AHRR: variants seen among roughly 807,000 people sequenced by gnomAD.
AHRR encodes the protein ahR repressor.
AHRR carries 28 observed loss-of-function variants against 44.0 expected under a neutral mutation model. That is an observed-to-expected ratio of 0.64 (90% CI 0.47 to 0.87). The LOEUF (loss-of-function observed/expected upper bound fraction) is 0.87. Among genes scored for constraint, AHRR ranks in the 40% least tolerant of loss-of-function variants. The probability of loss-of-function intolerance (pLI) is 0.00; values close to 1 mark genes in which losing one functional copy is unlikely to be tolerated. For synonymous variants in AHRR, 434 were observed against 407.0 expected, an observed-to-expected ratio of 1.07 and a Z score of -0.80; for missense variants, 990 against 953.9, an observed-to-expected ratio of 1.04 and a Z score of -0.50.
intron 3 of AHRR, among the ~76,000 whole-genome samples, chr5:373,269 G>A (rs899816369): frequency 1.3e-5 from 2 of 152,248 alleles, no homozygotes; most frequent in Admixed American, 6.5e-5. Context: ...CACCCGGCTG[G>A]GTCTCATCTG....
At position 429,733 on chromosome 5, in the gene AHRR, G is replaced by A. The variant is rs375428706; in HGVS notation, c.908+1727G>A. Among the ~76,000 whole-genome samples, 49 of 152,356 alleles carry A rather than the reference G, an allele frequency of 3.2e-4. 3 individuals are homozygous for A. The South Asian group carries it at 9.1e-3, about 28-fold the overall frequency. On this transcript the variant is annotated intron_variant, in intron 8 of 10. Coordinates refer to ENST00000684583, the MANE Select transcript of AHRR (RefSeq NM_001377236.1). ...TGGGAAAGGAATCTTAGCAGGCGTC[G>A]AATTCAGCTCCCCAGCCAGCCCAGT...
At chr5:415,609 T>TCGGCTGGGAGGCCTA (rs879434059) in intron 5 of AHRR, among the ~76,000 whole-genome samples, 9 of 137,254 alleles carry the variant, frequency 6.6e-5, no homozygotes, top group Admixed American at 2.8e-4. Context: ...ATCTGCCTGG[T>TCGGCTGGGAGGCCTA]GGGGCGGGAG....
intron 4 of AHRR, among the ~76,000 whole-genome samples, chr5:396,091 G>A (rs1734692561): frequency 6.6e-6 from 1 of 152,214 alleles, no homozygotes; most frequent in African/African-American, 2.4e-5. Context: ...GAGGGATGGG[G>A]CAGTGGGGGC....
chr5:324,092 T>C (rs1741616753), intron 1 of AHRR, among the ~76,000 whole-genome samples: 1 of 150,910 alleles, frequency 6.6e-6, no homozygotes, highest in Non-Finnish European at 1.5e-5. Context: ...CAGAGTCTTG[T>C]TCTGTCACCC....
intron 3 of AHRR, among the ~76,000 whole-genome samples, chr5:361,750 G>A (rs941929630): frequency 6.6e-6 from 1 of 152,220 alleles, no homozygotes; most frequent in Admixed American, 6.5e-5. Flanking sequence ...GTTCACTGTT[G>A]TATTTTAGAA....
At chr5:339,062 T>G (rs1030457035) in intron 1 of AHRR, among the ~76,000 whole-genome samples, 4 of 152,240 alleles carry the variant, frequency 2.6e-5, no homozygotes, top group African/African-American at 9.6e-5. Context: ...CTTGCTGGTC[T>G]CAGTAATTAG....
chr5:436,427 T>A lies in AHRR; in HGVS notation c.*1593T>A, dbSNP rs1304739146. ...ACCTTCACTTTGTCAAAACCCAGGT[T>A]TGGTTGGCAGGACTGGGTCTTCTGC... On this transcript the variant is annotated 3_prime_UTR_variant, in exon 11 of 11. Coordinates refer to ENST00000684583, the MANE Select transcript of AHRR (RefSeq NM_001377236.1). 2 of 152,426 alleles carry A rather than the reference T, an allele frequency of 1.3e-5. No homozygotes were observed. The highest frequency in any genetic ancestry group is 1.3e-4 in the Admixed American group (2 of 15,284). The allele number at this position is 152,426 out of a possible 1,614,324, so 9.4% of individuals were successfully genotyped here. A position where few individuals can be genotyped will look rare whatever the true frequency, so the allele number is the denominator to read the frequency against.
intron 7 of AHRR, 71 bp downstream of exon 7, chr5:424,048 CAG>C (rs1736262560): frequency 3.2e-6 from 5 of 1,543,264 alleles, no homozygotes; most frequent in Non-Finnish European, 4.4e-6. Flanking sequence ...TGGAAGGAAA[CAG>C]AGGGCAAGAG....
At chr5:369,103 GT>G (rs1408352727) in intron 3 of AHRR, among the ~76,000 whole-genome samples, 2 of 152,176 alleles carry the variant, frequency 1.3e-5, no homozygotes, top group African/African-American at 4.8e-5. Flanking sequence ...GTAACTAAGG[GT>G]TTTGGAAGCA....
intron 4 of AHRR, among the ~76,000 whole-genome samples, chr5:390,928 G>A (rs1481097141): frequency 2.0e-5 from 3 of 152,128 alleles, no homozygotes; most frequent in Non-Finnish European, 2.9e-5. Context: ...GTTGTTTCTC[G>A]GAAAGCCCCT....
rs1197351974 is a variant in AHRR, at chr5:405,713, C to T, written c.352-7631C>T. The stretch of plus-strand genomic sequence containing the variant: ...CACCGCCTGCGACCACCAGCTCCTC[C>T]GCTCTCTCCATCGGTCGTAACATCT... On this transcript the variant is annotated intron_variant, in intron 4 of 10. Coordinates refer to ENST00000684583, the MANE Select transcript of AHRR (RefSeq NM_001377236.1). The surrounding 1 kb of genome is among the most constrained non-coding windows in gnomAD (Gnocchi z 4.5). 2.0e-5 allele frequency among the ~76,000 whole-genome samples: 3 copies of T among 152,254 alleles called. No homozygotes were observed. The highest frequency in any genetic ancestry group is 2.9e-5 in the Non-Finnish European group (2 of 68,044).
intron 4 of AHRR, among the ~76,000 whole-genome samples, chr5:386,283 G>A (rs1734165909): frequency 6.6e-6 from 1 of 152,192 alleles, no homozygotes; most frequent in African/African-American, 2.4e-5. Context: ...ATTTAGGATT[G>A]TGTGATAGAC....
intron 2 of AHRR, among the ~76,000 whole-genome samples, chr5:344,782 GGT>G (rs1742534796): frequency 8.3e-6 from 1 of 120,906 alleles, no homozygotes; most frequent in South Asian, 2.6e-4. Flanking sequence ...TGACTGTGCG[GGT>G]GTGCGAGGCT....
intron 4 of AHRR, among the ~76,000 whole-genome samples, chr5:382,367 G>A (rs1477561850): frequency 6.6e-6 from 1 of 152,112 alleles, no homozygotes; most frequent in African/African-American, 2.4e-5. Flanking sequence ...TTTTTCTTAG[G>A]TGAATTGTAC....
chr5:410,120 C>T (rs1467827063), intron 4 of AHRR, among the ~76,000 whole-genome samples: 2 of 152,190 alleles, frequency 1.3e-5, no homozygotes, highest in East Asian at 3.8e-4. Context: ...GCCATGAAGT[C>T]AAAATAAGTT....
intron 3 of AHRR, among the ~76,000 whole-genome samples, chr5:367,384 T>A (rs891122164): frequency 3.9e-5 from 6 of 152,224 alleles, no homozygotes; most frequent in African/African-American, 1.4e-4. Flanking sequence ...CTGGGCCTTT[T>A]GCAAAGAGAA....
rs1042033176 is a variant in AHRR at position 427,949 on chromosome 5, G to A, written c.851G>A (p.Arg284Lys). 1.7e-5 allele frequency: 27 copies of A among 1,613,840 alleles called. No individual in the cohort carries two copies. The highest frequency in any genetic ancestry group is 2.3e-5 in the Non-Finnish European group (27 of 1,179,974). Residue 284 changes from arginine to lysine, a missense_variant, in exon 8 of 11, where the codon AGG (arginine) becomes AAG (lysine). Physicochemically the swap from Arg to Lys is conservative, Grantham distance 26. Coordinates refer to ENST00000684583, the MANE Select transcript of AHRR (RefSeq NM_001377236.1). ...CCCTCCGCAGCGGAGATGAAAATGA[G>A]GAGCGCGCTCCTGAGGGCAAAACCC... ...LLPSAAEMKM[R>K]SALLRAKPRA...
Position 435,270 on chromosome 5 carries a change from G to T in AHRR, c.*436G>T, listed in dbSNP as rs74462455. ...CCAAGTCCGCAGTCGGGGATGAAGC[G>T]GTCGGGTGACACACCTAGCTCAGCC... On this transcript the variant is annotated 3_prime_UTR_variant, in exon 11 of 11. Coordinates refer to ENST00000684583, the MANE Select transcript of AHRR (RefSeq NM_001377236.1). 0.07 allele frequency: 13,661 copies of T among 195,156 alleles called. 671 individuals carry two copies. Among genetic ancestry groups the T allele is most frequent in the Middle Eastern group, 0.14 (63 of 466 alleles). The allele number at this position is 195,156 out of a possible 1,614,324, so 12.1% of individuals were successfully genotyped here.
chr5:398,197 G>A lies in AHRR; in HGVS notation c.352-15147G>A, dbSNP rs1230069969. On this transcript the variant is annotated intron_variant, in intron 4 of 10. Transcript: ENST00000684583. ...ATCCACGTAGCTCCTGACCATCCAC[G>A]TAGCTCCTGACCATCCACGTAGCTC... is the stretch of plus-strand genomic sequence containing the variant. Among the ~76,000 whole-genome samples, 141 of 113,690 alleles carry A rather than the reference G, an allele frequency of 1.2e-3. 1 individual carries two copies. Among genetic ancestry groups the A allele is most frequent in the Non-Finnish European group, 1.6e-3 (91 of 55,332 alleles). The allele number at this position is 113,690 out of a possible 152,430, so 74.6% of individuals were successfully genotyped here. A position where few individuals can be genotyped will look rare whatever the true frequency, so the allele number is the denominator to read the frequency against.
Sources: gnomAD v4.1 joint callset for allele counts (sites outside exome capture counted in the v4.1 genomes callset) on GRCh38, gnomAD v4.1.1 for gene constraint, Gnocchi (gnomAD v3.1) non-coding constraint, MANE v1.5 for transcripts, NCBI Gene and HGNC (gene_info 2026-07-23, HGNC 2026-07-21) for gene names.